The following RPH3AL variants were observed in gnomAD, a reference collection of about 807,000 sequenced individuals.
The protein encoded by RPH3AL is rabphilin 3A like (without C2 domains).
Under a neutral mutation model 43.1 loss-of-function variants are expected in RPH3AL, and 38 were observed. The ratio of observed to expected loss-of-function variants is 0.88; its 90% CI spans 0.68 to 1.15. The LOEUF (loss-of-function observed/expected upper bound fraction) is 1.15, where lower values mean the gene tolerates loss of function less well. Ranked by LOEUF, RPH3AL falls within the 50% of genes most tolerant of loss-of-function variation. The probability of loss-of-function intolerance (pLI) is 0.00; values close to 1 mark genes in which losing one functional copy is unlikely to be tolerated. For synonymous variants in RPH3AL, 189 were observed against 176.3 expected (o/e 1.07, Z -0.57); for missense variants, 462 against 423.2 (o/e 1.09, Z -0.81).
rs192722613 is a variant in RPH3AL at position 272,521 on chromosome 17, C to T, written c.438+9247G>A. Among the ~76,000 whole-genome samples, 637 of 144,920 alleles carry T rather than the reference C, an allele frequency of 4.4e-3. 14 individuals are homozygous for T. Among genetic ancestry groups the T allele is most frequent in the Admixed American group, 0.037 (509 of 13,864 alleles). On this transcript the variant is annotated intron_variant, in intron 6 of 9. Coordinates refer to ENST00000331302, the MANE Select transcript of RPH3AL (RefSeq NM_006987.4). ...ATCGCAAGGACAGAAAACCAAACAC[C>T]GCATGTTCTCACTCATAGGTGGGAA...
chr17:281,450 CA>C (rs1464868714), intron 6 of RPH3AL, among the ~76,000 whole-genome samples: 1 of 152,078 alleles, frequency 6.6e-6, no homozygotes, highest in African/African-American at 2.4e-5. Context: ...TAACAGCCCC[CA>C]CAAACACCAC....
chr17:263,879 G>A (rs191780535), intron 6 of RPH3AL, among the ~76,000 whole-genome samples: 118 of 152,310 alleles, frequency 7.7e-4, no homozygotes, highest in African/African-American at 2.1e-3. Context: ...CTAACCGCCC[G>A]GAGTCGGAAT....
chr17:220,120 A>C (rs1379605083), intron 7 of RPH3AL, among the ~76,000 whole-genome samples: 2 of 152,164 alleles, frequency 1.3e-5, no homozygotes, highest in South Asian at 2.1e-4. Flanking sequence ...CCACTCACTG[A>C]GACAATAGAC....
chr17:261,424 G>T (rs965861898), intron 6 of RPH3AL, among the ~76,000 whole-genome samples: 4 of 152,298 alleles, frequency 2.6e-5, no homozygotes, highest in African/African-American at 9.6e-5. Flanking sequence ...CTTCACCAGG[G>T]ATCCGAATTC....
intron 6 of RPH3AL, among the ~76,000 whole-genome samples, chr17:269,459 C>T (rs542009294): frequency 2.0e-5 from 3 of 152,276 alleles, no homozygotes; most frequent in Admixed American, 6.5e-5. Flanking sequence ...CCAAGGGCCT[C>T]GAACAGTGCC....
At chr17:269,473 C>A (rs1185566085) in intron 6 of RPH3AL, among the ~76,000 whole-genome samples, 1 of 152,204 alleles carries the variant, frequency 6.6e-6, no homozygotes, top group Non-Finnish European at 1.5e-5. Flanking sequence ...CAGTGCCCGG[C>A]ACATAGCAAA....
chr17:261,221 C>T (rs1263798794), intron 6 of RPH3AL, among the ~76,000 whole-genome samples: 1 of 152,230 alleles, frequency 6.6e-6, no homozygotes, highest in African/African-American at 2.4e-5. Flanking sequence ...TCCAAATCCA[C>T]ATGTTGAAGC....
intron 1 of RPH3AL, among the ~76,000 whole-genome samples, chr17:339,312 G>A (rs540450828): frequency 1.3e-5 from 2 of 152,342 alleles, no homozygotes; most frequent in African/African-American, 2.4e-5. Flanking sequence ...AACAGTGGGG[G>A]CCACCCCAGA....
chr17:320,654 A>G (rs750097572), intron 4 of RPH3AL, among the ~76,000 whole-genome samples: 1 of 152,286 alleles, frequency 6.6e-6, no homozygotes, highest in Middle Eastern at 3.4e-3. Flanking sequence ...AAAAAAAAAG[A>G]AAAGGAAAAG....
intron 6 of RPH3AL, among the ~76,000 whole-genome samples, chr17:248,597 G>A (rs1244105197): frequency 6.6e-6 from 1 of 152,196 alleles, no homozygotes; most frequent in East Asian, 1.9e-4. Context: ...TCACAGGGTG[G>A]GAGGTGCTCT....
In RPH3AL at chr17:215,688, C is replaced by G; in HGVS notation, c.842G>C (p.Gly281Ala). 1 of 1,275,824 alleles carries G rather than the reference C, an allele frequency of 7.8e-7. No homozygotes were observed. The highest frequency in any genetic ancestry group is 9.9e-7 in the Non-Finnish European group (1 of 1,005,676). 79.0% of individuals were successfully genotyped at this position (1,275,824 alleles called of 1,614,324 possible). A position where few individuals can be genotyped will look rare whatever the true frequency, so the allele number is the denominator to read the frequency against. Reference protein sequence around the residue: ...ETGTGSADPPGGPRPGLTRRA... With the variant: ...ETGTGSADPPAGPRPGLTRRA... The stretch of plus-strand genomic sequence containing the variant: ...TCGGGTCAGCCCGGGGCGGGGTCCC[C>G]CTGGCGGGTCAGCAGAGCCTGTCCC... Residue 281 changes from glycine (G) to alanine (A), a missense_variant, in exon 9 of 10, where the codon GGG becomes GCG. Physicochemically the swap from Gly to Ala is moderately conservative, Grantham distance 60. Transcript: ENST00000331302. The surrounding 1 kb of genome is among the most constrained non-coding windows in gnomAD (Gnocchi z 4.1).
At chr17:244,381 G>C (rs150223634) in intron 7 of RPH3AL, among the ~76,000 whole-genome samples, 1 of 152,144 alleles carries the variant, frequency 6.6e-6, no homozygotes, top group Admixed American at 6.5e-5. Context: ...ACAGGTGCAT[G>C]AGCCTAAGAG....
rs565314458 is a variant in RPH3AL, at chr17:225,252, G to A, written c.614-5516C>T. ...CGGCTCCTTGGACTTTTATGATGCCGCAGCAAGAGGAGATGGGGATGGGGC... is the reference window on the plus strand; with the variant it reads ...CGGCTCCTTGGACTTTTATGATGCCACAGCAAGAGGAGATGGGGATGGGGC... On this transcript the variant is annotated intron_variant, in intron 7 of 9. Transcript: ENST00000331302. This position sits in a 1 kb window ranked among gnomAD's most constrained non-coding sequence, Gnocchi z 4.4. 1.3e-5 allele frequency among the ~76,000 whole-genome samples: 2 copies of A among 152,192 alleles called. No individual in the cohort carries two copies. Among genetic ancestry groups the A allele is most frequent in the East Asian group, 1.9e-4 (1 of 5,176 alleles).
At chr17:265,625 A>C (rs1440644549) in intron 6 of RPH3AL, among the ~76,000 whole-genome samples, 2 of 152,016 alleles carry the variant, frequency 1.3e-5, no homozygotes, top group Non-Finnish European at 2.9e-5. Context: ...TTTTCCTTTC[A>C]GTAGGAATTA....
chr17:247,493 C>T, intron 6 of RPH3AL: 1 of 526,444 alleles, frequency 1.9e-6, no homozygotes, highest in Non-Finnish European at 3.3e-6. Flanking sequence ...TTCTTTCTCT[C>T]CCTTATTTTA....
intron 1 of RPH3AL, among the ~76,000 whole-genome samples, chr17:347,750 G>T (rs2045268536): frequency 6.6e-6 from 1 of 152,178 alleles, no homozygotes; most frequent in East Asian, 1.9e-4. Flanking sequence ...CACTCATGTT[G>T]ACTAAATATT....
At chr17:233,563 G>A (rs2041280910) in intron 7 of RPH3AL, among the ~76,000 whole-genome samples, 1 of 152,124 alleles carries the variant, frequency 6.6e-6, no homozygotes, top group South Asian at 2.1e-4. Flanking sequence ...ACGTGACCTG[G>A]TCATGCCCCT....
intron 5 of RPH3AL, among the ~76,000 whole-genome samples, chr17:315,508 C>A (rs1555520023): frequency 1.3e-5 from 2 of 152,162 alleles, no homozygotes; most frequent in Non-Finnish European, 2.9e-5. Context: ...TGTGACTCCA[C>A]CTCCATTGAC....
intron 5 of RPH3AL, among the ~76,000 whole-genome samples, chr17:303,437 A>G (rs1179230232): frequency 1.3e-5 from 2 of 152,064 alleles, no homozygotes; most frequent in Admixed American, 1.3e-4. Context: ...CTTTGCAATG[A>G]ATTAGATCAC....
Sources: allele counts gnomAD v4.1 joint callset (sites outside exome capture counted in the v4.1 genomes callset), GRCh38; gene constraint gnomAD v4.1.1; non-coding constraint Gnocchi (gnomAD v3.1); transcripts MANE v1.5; gene names NCBI Gene and HGNC (gene_info 2026-07-23, HGNC 2026-07-21).